LMBR1: variants seen among roughly 807,000 people sequenced by gnomAD.
The protein encoded by LMBR1 is limb development membrane protein 1.
Under a neutral mutation model 73.9 loss-of-function variants are expected in LMBR1, and 52 were observed. That is an observed-to-expected ratio of 0.70 (90% CI 0.56 to 0.89). LMBR1 has a LOEUF of 0.89. Ranked by LOEUF, LMBR1 falls within the 40% of genes least tolerant of loss-of-function variation. LMBR1 has a pLI of 0.00. For missense variants in LMBR1, 539 were observed against 579.8 expected (o/e 0.93, Z 0.72); for synonymous variants, 215 against 209.4 (o/e 1.03, Z -0.23).
chr7:156,811,173 A>G (rs1457346334), intron 4 of LMBR1, among the ~76,000 whole-genome samples: 3 of 152,106 alleles, frequency 2.0e-5, no homozygotes, highest in Admixed American at 6.5e-5. Context: ...TGCAATGTCT[A>G]ATCTGCTATT....
At chr7:156,830,986 G>A (rs181188420) in intron 3 of LMBR1, among the ~76,000 whole-genome samples, 50 of 152,274 alleles carry the variant, frequency 3.3e-4, no homozygotes, top group African/African-American at 1.1e-3. Context: ...ATATGTAAAT[G>A]TATAATAAAC....
intron 5 of LMBR1, among the ~76,000 whole-genome samples, chr7:156,786,301 AAAG>A (rs1457790380): frequency 1.3e-5 from 2 of 151,976 alleles, no homozygotes; most frequent in Non-Finnish European, 2.9e-5. Context: ...GGAGGGGAAA[AAAG>A]AAGAAAAAGG....
intron 15 of LMBR1, among the ~76,000 whole-genome samples, chr7:156,710,173 G>A (rs1355934769): frequency 1.3e-5 from 2 of 151,892 alleles, no homozygotes; most frequent in Non-Finnish European, 2.9e-5. Context: ...CCAAAGTGCT[G>A]GGATTACAGG....
intron 1 of LMBR1, among the ~76,000 whole-genome samples, chr7:156,873,367 T>C (rs1799629229): frequency 6.6e-6 from 1 of 152,176 alleles, no homozygotes; most frequent in African/African-American, 2.4e-5. Flanking sequence ...CGGTGAGTGT[T>C]ACAGCTCATA....
Position 156,779,672 on chromosome 7 carries a change from G to A in LMBR1, c.424-15877C>T, listed in dbSNP as rs762964564. On this transcript the variant is annotated intron_variant, in intron 5 of 16. Coordinates refer to ENST00000353442, the MANE Select transcript of LMBR1 (RefSeq NM_022458.4). ...GTACTTACAAAAGCTCTATGGAGAA[G>A]CTGTCATGTTTCTATGGTGATGAAC... 2.3e-5 allele frequency: 30 copies of A among 1,283,652 alleles called. No homozygotes were observed. The South Asian group carries it at 3.6e-4, about 15-fold the overall frequency. The allele number at this position is 1,283,652 out of a possible 1,614,324, so 79.5% of individuals were successfully genotyped here.
At chr7:156,695,799 T>A (rs147020149) in intron 15 of LMBR1, among the ~76,000 whole-genome samples, 305 of 151,616 alleles carry the variant, frequency 2.0e-3, no homozygotes, top group African/African-American at 7.0e-3. Context: ...CAATGTCAAG[T>A]TTTATGACCA....
At chr7:156,719,739 C>T (rs1814100611) in intron 15 of LMBR1, among the ~76,000 whole-genome samples, 3 of 152,128 alleles carry the variant, frequency 2.0e-5, no homozygotes, top group African/African-American at 7.2e-5. Context: ...CAGCATGGTA[C>T]TGGTACCAAA....
chr7:156,741,044 C>A (rs1413960752), intron 9 of LMBR1, among the ~76,000 whole-genome samples: 1 of 151,736 alleles, frequency 6.6e-6, no homozygotes, highest in Non-Finnish European at 1.5e-5. Flanking sequence ...TATTAGTTTT[C>A]TTTTTGCTTG....
At chr7:156,868,287 G>A (rs1798762853) in intron 1 of LMBR1, among the ~76,000 whole-genome samples, 1 of 149,488 alleles carries the variant, frequency 6.7e-6, no homozygotes, top group East Asian at 2.0e-4. Context: ...TCCACCTCCC[G>A]GGTTCAAGTA....
At position 156,679,214 on chromosome 7, in the gene LMBR1, TG is replaced by T. The variant is rs567523593; in HGVS notation, c.*4863del. 6.6e-6 allele frequency: 1 copy of T among 152,274 alleles called. No homozygotes were observed. Among genetic ancestry groups the T allele is most frequent in the Non-Finnish European group, 1.5e-5 (1 of 68,036 alleles). The allele number at this position is 152,274 out of a possible 1,614,324, so 9.4% of individuals were successfully genotyped here. ...CGCAAGGTGGTCCTGGGGGTGACTGTGGGACGACAAAGAACTCGACCCTCCA... is the reference window on the plus strand; with the variant it reads ...CGCAAGGTGGTCCTGGGGGTGACTGTGGACGACAAAGAACTCGACCCTCCA... On this transcript the variant is annotated 3_prime_UTR_variant, in exon 17 of 17. Coordinates refer to ENST00000353442, the MANE Select transcript of LMBR1 (RefSeq NM_022458.4).
chr7:156,863,517 C>G (rs981463263), intron 1 of LMBR1, among the ~76,000 whole-genome samples: 16 of 152,112 alleles, frequency 1.1e-4, no homozygotes, highest in African/African-American at 3.9e-4. Context: ...TCAATCCAAT[C>G]AAGTTGACAC....
rs1055546160 is a variant in LMBR1 at position 156,685,127 on chromosome 7, C to A, written c.1388-964G>T. ...ACTGAACATAAATAATATCTCACTA[C>A]CCAAAGGTATTTCACAGAATAAAAA... On this transcript the variant is annotated intron_variant, in intron 16 of 16. Coordinates refer to ENST00000353442, the MANE Select transcript of LMBR1 (RefSeq NM_022458.4). This position sits in a 1 kb window ranked among gnomAD's most constrained non-coding sequence, Gnocchi z 4.1. Among the ~76,000 whole-genome samples the A allele has an allele frequency of 1.3e-5, 2 of 152,096 alleles. No homozygotes were observed. Among genetic ancestry groups the A allele is most frequent in the Non-Finnish European group, 2.9e-5 (2 of 67,998 alleles).
chr7:156,692,109 C>T (rs894135389), intron 15 of LMBR1, among the ~76,000 whole-genome samples: 1 of 152,006 alleles, frequency 6.6e-6, no homozygotes, highest in African/African-American at 2.4e-5. Context: ...GAGTTTTGCA[C>T]TTGTCGCCCA....
At chr7:156,757,573 C>T (rs1335930127) in intron 8 of LMBR1, among the ~76,000 whole-genome samples, 3 of 152,176 alleles carry the variant, frequency 2.0e-5, no homozygotes, top group South Asian at 2.1e-4. Context: ...TTATTATCTT[C>T]GTAGCTGTAG....
chr7:156,764,994 T>G (rs566701509), intron 5 of LMBR1, among the ~76,000 whole-genome samples: 51 of 152,314 alleles, frequency 3.3e-4, no homozygotes, highest in Middle Eastern at 3.4e-3. Context: ...ACCTTAAGTG[T>G]TCATAGCATG....
At chr7:156,672,910 T>C (rs1188968593), downstream of LMBR1, among the ~76,000 whole-genome samples, 1 of 152,232 alleles carries the variant, frequency 6.6e-6, no homozygotes, top group African/African-American at 2.4e-5. Flanking sequence ...ACCGTGGTTC[T>C]TAAACCTGAA....
At chr7:156,781,568 G>GT (rs1827136874) in intron 5 of LMBR1, among the ~76,000 whole-genome samples, 1 of 152,078 alleles carries the variant, frequency 6.6e-6, no homozygotes, top group Admixed American at 6.5e-5. Flanking sequence ...TTGGTTTTAT[G>GT]TATCAGCCTC....
chr7:156,796,392 T>C lies in LMBR1; in HGVS notation c.420A>G (p.Lys140=), dbSNP rs746100042. The change falls in exon 5 of 17, where the codon AAA becomes AAG. Residue 140 remains lysine, a synonymous_variant. Coordinates refer to ENST00000353442, the MANE Select transcript of LMBR1 (RefSeq NM_022458.4). The stretch of plus-strand genomic sequence containing the variant: ...TTCCAATACTAGATTCACTTACCTT[T>C]TTCAGGCCAGCAAAGCCTTCTGATT... ...FLESEGFAGL[K]KGIRARILET... The C allele has an allele frequency of 6.3e-7, 1 of 1,596,756 alleles. No homozygotes were observed. The highest frequency in any genetic ancestry group is 1.7e-5 in the Admixed American group (1 of 57,788).
intron 15 of LMBR1, among the ~76,000 whole-genome samples, chr7:156,721,776 C>T (rs1205743176): frequency 3.9e-5 from 6 of 152,040 alleles, no homozygotes; most frequent in Non-Finnish European, 8.8e-5. Context: ...TTTCTCACAA[C>T]TTAATTCTTT....
Sources: gnomAD v4.1 joint callset for allele counts (sites outside exome capture counted in the v4.1 genomes callset) on GRCh38, gnomAD v4.1.1 for gene constraint, Gnocchi (gnomAD v3.1) non-coding constraint, MANE v1.5 for transcripts, NCBI Gene and HGNC (gene_info 2026-07-23, HGNC 2026-07-21) for gene names.